HSF1: variants seen among roughly 807,000 people sequenced by gnomAD.
HSF1 encodes heat shock factor protein 1.
Under a neutral mutation model 51.7 loss-of-function variants are expected in HSF1, and 32 were observed. The ratio of observed to expected loss-of-function variants is 0.62; its 90% confidence interval spans 0.47 to 0.83. The LOEUF is 0.83. Among genes scored for constraint, HSF1 ranks in the 40% least tolerant of loss-of-function variants. The pLI is 0.00. For synonymous variants in HSF1, 396 were observed against 309.7 expected, an observed-to-expected ratio of 1.28 and a Z score of -2.92; for missense variants, 727 against 717.0, an observed-to-expected ratio of 1.01 and a Z score of -0.16.
rs369847469 is a variant in HSF1, at chr8:144,305,991, C to T, written c.118-2915C>T. On this transcript the variant is annotated intron_variant, in intron 1 of 12. Transcript: ENST00000528838. ...AGGTGATCCGCCTGCCTTGGCCTCC[C>T]AAACTGCTGGGATTACAGGCGTGAG... 1.9e-4 allele frequency among the ~76,000 whole-genome samples: 29 copies of T among 152,138 alleles called. No individual in the cohort carries two copies. The East Asian group carries it at 4.6e-3, about 24-fold the overall frequency.
Position 144,308,913 on chromosome 8 carries a change from A to C in HSF1, c.125A>C (p.Asn42Thr), listed in dbSNP as rs1554843747. ...DALICWSPSG[N>T]SFHVFDQGQF... ...CATGTGTCTCCCTTTCAGAGCGGGA[A>C]CAGCTTCCACGTGTTCGACCAGGGC... Residue 42 changes from asparagine to threonine, a missense_variant, in exon 2 of 13, where the codon AAC becomes ACC. Around this residue, in one of 2 missense-constraint regions of HSF1, gnomAD observed 257 missense variants for 318.3 expected, o/e 0.81. Coordinates refer to ENST00000528838, the MANE Select transcript of HSF1 (RefSeq NM_005526.4). 6.2e-7 allele frequency: 1 copy of C among 1,613,940 alleles called. No individual in the cohort carries two copies. The highest frequency in any genetic ancestry group is 1.7e-5 in the Admixed American group (1 of 60,036).
At chr8:144,303,737 G>T (rs1159960711) in intron 1 of HSF1, among the ~76,000 whole-genome samples, 8 of 152,160 alleles carry the variant, frequency 5.3e-5, no homozygotes, top group Admixed American at 2.6e-4. Flanking sequence ...AATAAGCCGG[G>T]CGTGGTGGCA....
intron 1 of HSF1, among the ~76,000 whole-genome samples, chr8:144,306,233 G>C (rs922460756): frequency 6.7e-6 from 1 of 148,712 alleles, no homozygotes; most frequent in African/African-American, 2.5e-5. Context: ...CGTAAGTCCA[G>C]TGTCCAATGT....
At chr8:144,300,491 G>A (rs909449453) in intron 1 of HSF1, among the ~76,000 whole-genome samples, 8 of 152,074 alleles carry the variant, frequency 5.3e-5, no homozygotes, top group Middle Eastern at 3.4e-3. Context: ...TGTTGGGCGC[G>A]TCAGCCACCG....
At chr8:144,308,606 T>G (rs900090482) in intron 1 of HSF1, among the ~76,000 whole-genome samples, 40 of 151,906 alleles carry the variant, frequency 2.6e-4, no homozygotes, top group Admixed American at 1.1e-3. Context: ...AAACGTGGCC[T>G]TCTCTGGAAG....
intron 9 of HSF1, 73 bp from the exon 10 acceptor site, chr8:144,313,438 C>A: frequency 1.0e-6 from 1 of 992,786 alleles, no homozygotes; most frequent in Non-Finnish European, 1.6e-6. Flanking sequence ...CAAGGGGAGC[C>A]CTTCTCCCAC....
At position 144,297,050 on chromosome 8, in the gene HSF1, A is replaced by T. The variant is rs1414493260; in HGVS notation, c.117+5176A>T. Among the ~76,000 whole-genome samples, 1 of 152,134 alleles carries T rather than the reference A, an allele frequency of 6.6e-6. No homozygotes were observed. Among genetic ancestry groups the T allele is most frequent in the East Asian group, 1.9e-4 (1 of 5,186 alleles). On this transcript the variant is annotated intron_variant, in intron 1 of 12. Coordinates refer to ENST00000528838, the MANE Select transcript of HSF1 (RefSeq NM_005526.4). This position sits in a 1 kb window ranked among gnomAD's most constrained non-coding sequence, Gnocchi z 4.6. ...CAACTCCACAGGCTAGTGTTTGCTC[A>T]GTCCTTTATTGAGGGACCAGGGATG...
chr8:144,311,786 G>C lies in HSF1; in HGVS notation c.810G>C (p.Glu270Asp), dbSNP rs782777722. 6.2e-6 allele frequency: 10 copies of C among 1,612,414 alleles called. No individual in the cohort carries two copies. Among genetic ancestry groups the C allele is most frequent in the Non-Finnish European group, 8.5e-6 (10 of 1,179,770 alleles). ...SSGPIISDITELAPASPMASP... is the reference protein window; with the variant it reads ...SSGPIISDITDLAPASPMASP... ...GACCCATCATCTCCGACATCACCGA[G>C]CTGGCTCCTGCCAGCCCCATGGCCT... is the stretch of plus-strand genomic sequence containing the variant. The change falls in exon 8 of 13, where the codon GAG becomes GAC. Residue 270 changes from glutamate (E) to aspartate (D), a missense_variant. Transcript: ENST00000528838.
intron 4 of HSF1, chr8:144,310,843 A>G: frequency 2.6e-6 from 1 of 391,130 alleles, no homozygotes; most frequent in African/African-American, 2.0e-5. Flanking sequence ...AGGGCGGCCC[A>G]AGGGTCTGCT....
At position 144,312,071 on chromosome 8, in the gene HSF1, C is replaced by T. The variant is rs782469600; in HGVS notation, c.969C>T (p.Thr323=). The T allele has an allele frequency of 1.9e-6, 3 of 1,612,246 alleles. No individual in the cohort carries two copies. Among genetic ancestry groups the T allele is most frequent in the Non-Finnish European group, 2.5e-6 (3 of 1,179,792 alleles). ...CCGGGCGCCCATCTTCCGTGGACACCCTCTTGTCCCCGACCGCCCTCATTG... is the reference window on the plus strand; with the variant it reads ...CCGGGCGCCCATCTTCCGTGGACACTCTCTTGTCCCCGACCGCCCTCATTG... ...ASPGRPSSVD[T]LLSPTALIDS... The change falls in exon 9 of 13, where the codon ACC becomes ACT. Residue 323 remains threonine (T), a synonymous_variant. Coordinates refer to ENST00000528838, the MANE Select transcript of HSF1 (RefSeq NM_005526.4).
chr8:144,310,996 AGCCCTG>A (rs552759494), intron 4 of HSF1, 172 bp from the exon 5 acceptor site: 2 of 623,594 alleles, frequency 3.2e-6, no homozygotes, highest in Non-Finnish European at 5.6e-6. Flanking sequence ...GGGACCAGCA[AGCCCTG>A]GCCCTGGCCC....
At position 144,311,318 on chromosome 8, in the gene HSF1, C is replaced by G; in HGVS notation, c.565-3C>G. 1 of 1,613,956 alleles carries G rather than the reference C, an allele frequency of 6.2e-7. No individual in the cohort carries two copies. Among genetic ancestry groups the G allele is most frequent in the Non-Finnish European group, 8.5e-7 (1 of 1,180,008 alleles). On this transcript the variant is annotated splice_region_variant and splice_polypyrimidine_tract_variant and intron_variant, in intron 5 of 12. Coordinates refer to ENST00000528838, the MANE Select transcript of HSF1 (RefSeq NM_005526.4). ...GGGGTAACTGTGTCCTCTCTCTCCA[C>G]AGCTCATTCAGTTCCTGATCTCACT...
At chr8:144,302,271 G>A (rs1554842482) in intron 1 of HSF1, among the ~76,000 whole-genome samples, 1 of 151,864 alleles carries the variant, frequency 6.6e-6, no homozygotes, top group Non-Finnish European at 1.5e-5. Context: ...CACTTTGGGA[G>A]ACCGAGGCAG....
intron 9 of HSF1, chr8:144,312,663 G>T: frequency 6.5e-7 from 1 of 1,535,486 alleles, no homozygotes; most frequent in African/African-American, 1.4e-5. Flanking sequence ...AGGGTCGCCC[G>T]CCTCTTCCCC....
chr8:144,309,958 G>C (rs1184956762), intron 4 of HSF1, 62 bp downstream of exon 4: 1 of 1,570,802 alleles, frequency 6.4e-7, no homozygotes, highest in African/African-American at 1.4e-5. Context: ...GAGGCCCCGG[G>C]TGCTGTGGGG....
In HSF1 at chr8:144,309,861, G is replaced by A. The variant is rs782740511; in HGVS notation, c.453G>A (p.Gln151=). ...ACGTGCAGCTGATGAAGGGGAAGCAGGAGTGCATGGACTCCAAGCTCCTGG... is the reference window on the plus strand; with the variant it reads ...ACGTGCAGCTGATGAAGGGGAAGCAAGAGTGCATGGACTCCAAGCTCCTGG... ...LTDVQLMKGK[Q]ECMDSKLLAM... Residue 151 remains glutamine (Q), a synonymous_variant, in exon 4 of 13, where the codon CAG becomes CAA. Transcript: ENST00000528838. The A allele has an allele frequency of 2.7e-5, 43 of 1,613,804 alleles. No homozygotes were observed. Among genetic ancestry groups the A allele is most frequent in the Non-Finnish European group, 3.5e-5 (41 of 1,180,000 alleles).
chr8:144,312,978 A>G (rs1816790755), intron 9 of HSF1: 3 of 544,128 alleles, frequency 5.5e-6, no homozygotes, highest in Non-Finnish European at 9.9e-6. Context: ...TGCGGTGCTG[A>G]CTGCACTTCC....
At chr8:144,293,888 C>T (rs1446943096) in intron 1 of HSF1, among the ~76,000 whole-genome samples, 2 of 151,222 alleles carry the variant, frequency 1.3e-5, no homozygotes, top group East Asian at 3.9e-4. Context: ...GCTGTTTCTG[C>T]TTAAAGATTA....
At chr8:144,304,058 C>G (rs1332867431) in intron 1 of HSF1, among the ~76,000 whole-genome samples, 1 of 152,134 alleles carries the variant, frequency 6.6e-6, no homozygotes, top group African/African-American at 2.4e-5. Context: ...GGATCTTAGT[C>G]TCTTCAACTT....
Sources: gnomAD v4.1 joint callset for allele counts (sites outside exome capture counted in the v4.1 genomes callset) on GRCh38, gnomAD v4.1.1 for gene constraint, gnomAD v4.1.1 regional missense constraint, Gnocchi (gnomAD v3.1) non-coding constraint, MANE v1.5 for transcripts, NCBI Gene and HGNC (gene_info 2026-07-23, HGNC 2026-07-21) for gene names.